STK32B: variants seen among roughly 807,000 people sequenced by gnomAD.
STK32B encodes the protein serine/threonine kinase 32B, also known as serine/threonine-protein kinase 32B.
STK32B carries 43 observed loss-of-function variants against 52.6 expected under a neutral mutation model. The ratio of observed to expected loss-of-function variants is 0.82; its 90% CI spans 0.64 to 1.05. The LOEUF is 1.05. STK32B is among the 50% of genes least tolerant of loss of function. The pLI, the probability that STK32B is intolerant of heterozygous loss-of-function variation, is 0.00. For missense variants in STK32B, 621 were observed against 534.6 expected (o/e 1.16, Z -1.59); for synonymous variants, 238 against 204.3 (o/e 1.17, Z -1.41).
intron 4 of STK32B, among the ~76,000 whole-genome samples, chr4:5,392,365 G>A (rs1560376627): frequency 2.0e-5 from 3 of 152,190 alleles, no homozygotes; most frequent in African/African-American, 4.8e-5. Flanking sequence ...GGCGGAGGTT[G>A]TAATGAGCCA....
At chr4:5,249,547 C>G (rs1443208912) in intron 3 of STK32B, among the ~76,000 whole-genome samples, 1 of 150,106 alleles carries the variant, frequency 6.7e-6, no homozygotes, top group African/African-American at 2.5e-5. Context: ...TCCTTCTTTT[C>G]TTTCTTAATT....
At chr4:5,090,242 T>C (rs2369499) in intron 1 of STK32B, among the ~76,000 whole-genome samples, 75,216 of 151,962 alleles carry the variant, frequency 0.49, 20,463 homozygotes, top group East Asian at 0.8. Flanking sequence ...ATTTTGGCTT[T>C]TGTTGCAATT....
intron 7 of STK32B, among the ~76,000 whole-genome samples, chr4:5,456,602 C>A (rs956493270): frequency 2.0e-5 from 3 of 152,248 alleles, no homozygotes; most frequent in African/African-American, 7.2e-5. Flanking sequence ...CAGCAGCACC[C>A]ACCTGCCAGG....
chr4:5,341,489 T>A (rs77712369), intron 4 of STK32B, among the ~76,000 whole-genome samples: 2,604 of 152,340 alleles, frequency 0.017, 31 homozygotes, highest in East Asian at 0.074. Context: ...TTATTCCTCA[T>A]CACATACTTT....
At chr4:5,370,263 C>G (rs536597777) in intron 4 of STK32B, among the ~76,000 whole-genome samples, 2 of 152,310 alleles carry the variant, frequency 1.3e-5, no homozygotes, top group African/African-American at 4.8e-5. Context: ...TCCTTGCAGA[C>G]ATCTTGTTCG....
Position 5,051,888 on chromosome 4 carries a change from C to A in STK32B, c.25C>A (p.Pro9Thr), listed in dbSNP as rs142664782. The A allele has an allele frequency of 6.2e-6, 10 of 1,600,152 alleles. No homozygotes were observed. The highest frequency in any genetic ancestry group is 8.5e-6 in the Non-Finnish European group (10 of 1,173,902). ...TATGGGCGGGAACCACTCCCACAAG[C>A]CCCCCGTGTTTGACGAGAATGAGGA... is the stretch of plus-strand genomic sequence containing the variant. Reference protein sequence around the residue: MGGNHSHKPPVFDENEEVN... With the variant: MGGNHSHKTPVFDENEEVN... The change falls in exon 1 of 12, where the codon CCC (proline) becomes ACC (threonine). Residue 9 changes from proline (P) to threonine (T), a missense_variant. Pro to Thr is a conservative substitution (Grantham distance 38, BLOSUM62 -1). Coordinates refer to ENST00000282908, the MANE Select transcript of STK32B (RefSeq NM_018401.3).
At chr4:5,231,351 C>T (rs2108806349) in intron 3 of STK32B, among the ~76,000 whole-genome samples, 1 of 152,292 alleles carries the variant, frequency 6.6e-6, no homozygotes. Flanking sequence ...TGGCTCACAC[C>T]TATAATCTCA....
the STK32B span, among the ~76,000 whole-genome samples, chr4:5,024,419 C>T: frequency 6.6e-6 from 1 of 152,164 alleles, no homozygotes; most frequent in African/African-American, 2.4e-5. Context: ...TTGTACTTGG[C>T]CAATGTCCAC....
intron 4 of STK32B, among the ~76,000 whole-genome samples, chr4:5,338,408 C>T (rs192049540): frequency 1.3e-5 from 2 of 152,312 alleles, no homozygotes; most frequent in Admixed American, 1.3e-4. Context: ...TAAAGAAGGT[C>T]ACACCAGGGT....
At chr4:5,079,989 A>G (rs1415510347) in intron 1 of STK32B, among the ~76,000 whole-genome samples, 9 of 152,284 alleles carry the variant, frequency 5.9e-5, no homozygotes, top group Middle Eastern at 3.4e-3. Flanking sequence ...GCTGTTGGCT[A>G]AAGGGTACAG....
chr4:5,392,382 T>G (rs1736642604), intron 4 of STK32B, among the ~76,000 whole-genome samples: 2 of 152,194 alleles, frequency 1.3e-5, no homozygotes, highest in African/African-American at 4.8e-5. Flanking sequence ...GCCAAGATCA[T>G]GCCATTGCAG....
intron 2 of STK32B, among the ~76,000 whole-genome samples, chr4:5,143,310 C>G (rs1307024875): frequency 1.3e-5 from 2 of 152,180 alleles, no homozygotes; most frequent in African/African-American, 4.8e-5. Context: ...AACTGTTTCA[C>G]ATGAGTTTAC....
rs557838862 is a variant in STK32B, at chr4:5,483,767, T to C, written c.1107-15178T>C. 2.1e-3 allele frequency among the ~76,000 whole-genome samples: 312 copies of C among 152,100 alleles called. 1 individual carries two copies. Among genetic ancestry groups the C allele is most frequent in the African/African-American group, 5.8e-3 (242 of 41,442 alleles). On this transcript the variant is annotated intron_variant, in intron 11 of 11. Transcript: ENST00000282908. ...TCTACACACTGCTTTGAATGTGTCC[T>C]AGAGATTCTGGTATGTTGTGTCTTT...
At chr4:5,448,227 G>C (rs1715650669) in intron 7 of STK32B, among the ~76,000 whole-genome samples, 1 of 152,208 alleles carries the variant, frequency 6.6e-6, no homozygotes, top group African/African-American at 2.4e-5. Flanking sequence ...AGAATTCAAA[G>C]AAAATATGAG....
At chr4:5,435,296 T>C (rs1229692873) in intron 6 of STK32B, among the ~76,000 whole-genome samples, 2 of 152,222 alleles carry the variant, frequency 1.3e-5, no homozygotes, top group African/African-American at 2.4e-5. Flanking sequence ...CTGGACTACC[T>C]TTCTGGGCAT....
chr4:5,231,230 C>G (rs916121897), intron 3 of STK32B, among the ~76,000 whole-genome samples: 3 of 152,174 alleles, frequency 2.0e-5, no homozygotes, highest in East Asian at 1.9e-4. Flanking sequence ...TCGTACATGT[C>G]TTCTTCTATG....
intron 2 of STK32B, among the ~76,000 whole-genome samples, chr4:5,146,579 C>G (rs950068543): frequency 1.3e-5 from 2 of 152,146 alleles, no homozygotes; most frequent in Non-Finnish European, 2.9e-5. Flanking sequence ...CTCTCCCAGT[C>G]CACTTAATCA....
At chr4:5,361,228 A>G (rs1290831808) in intron 4 of STK32B, among the ~76,000 whole-genome samples, 4 of 152,210 alleles carry the variant, frequency 2.6e-5, no homozygotes, top group African/African-American at 7.2e-5. Context: ...GTCAATGGAC[A>G]CTTGGCTTGC....
intron 11 of STK32B, among the ~76,000 whole-genome samples, chr4:5,494,142 TTC>T (rs1719992621): frequency 6.6e-6 from 1 of 152,144 alleles, no homozygotes; most frequent in South Asian, 2.1e-4. Flanking sequence ...TTTGTTAACT[TTC>T]TGTCTCGTTG....
Sources: allele counts gnomAD v4.1 joint callset (sites outside exome capture counted in the v4.1 genomes callset), GRCh38; gene constraint gnomAD v4.1.1; transcripts MANE v1.5; gene names NCBI Gene and HGNC (gene_info 2026-07-23, HGNC 2026-07-21).